Variants in ADAMTS12 observed in about 807,000 individuals in gnomAD.
ADAMTS12 encodes A disintegrin and metalloproteinase with thrombospondin motifs 12.
A neutral mutation model predicts 167.8 loss-of-function variants in ADAMTS12; 118 were observed. The ratio of observed to expected loss-of-function variants is 0.70; its 90% confidence interval spans 0.61 to 0.82. The LOEUF (loss-of-function observed/expected upper bound fraction) is 0.82, where lower values mean the gene tolerates loss of function less well. Among genes scored for constraint, ADAMTS12 ranks in the 40% least tolerant of loss-of-function variants. The pLI, the probability that ADAMTS12 is intolerant of heterozygous loss-of-function variation, is 0.00. For synonymous variants in ADAMTS12, 704 were observed against 716.9 expected (o/e 0.98, Z 0.29); for missense variants, 1,916 against 1,998.8 (o/e 0.96, Z 0.79).
At chr5:33,844,069 C>T (rs910561176) in intron 2 of ADAMTS12, among the ~76,000 whole-genome samples, 2 of 151,992 alleles carry the variant, frequency 1.3e-5, no homozygotes, top group Non-Finnish European at 2.9e-5. Flanking sequence ...ACACTTATCA[C>T]TTCCCCAATC....
chr5:33,550,663 G>C (rs1025748273), intron 20 of ADAMTS12, among the ~76,000 whole-genome samples: 1 of 152,104 alleles, frequency 6.6e-6, no homozygotes, highest in African/African-American at 2.4e-5. Context: ...CTGATCTAAA[G>C]GAGGTGATTT....
intron 19 of ADAMTS12, among the ~76,000 whole-genome samples, chr5:33,573,818 A>C (rs1056047358): frequency 7.9e-5 from 12 of 152,192 alleles, no homozygotes; most frequent in African/African-American, 2.7e-4. Flanking sequence ...CAACCTACAA[A>C]ATGGGAGAAA....
At chr5:33,591,871 G>A (rs1264044615) in intron 17 of ADAMTS12, among the ~76,000 whole-genome samples, 1 of 151,982 alleles carries the variant, frequency 6.6e-6, no homozygotes, top group Admixed American at 6.6e-5. Flanking sequence ...TAGAGTCCAG[G>A]GATACAGCTA....
chr5:33,849,342 C>CT (rs1561306597), intron 2 of ADAMTS12, among the ~76,000 whole-genome samples: 2 of 123,196 alleles, frequency 1.6e-5, no homozygotes, highest in Admixed American at 8.3e-5. Context: ...TATTGAATAG[C>CT]AATATATATA....
At chr5:33,858,997 C>A (rs1749508297) in intron 2 of ADAMTS12, among the ~76,000 whole-genome samples, 1 of 152,172 alleles carries the variant, frequency 6.6e-6, no homozygotes, top group Non-Finnish European at 1.5e-5. Context: ...ACACTTTTCC[C>A]ATGGTCTTCA....
intron 4 of ADAMTS12, among the ~76,000 whole-genome samples, chr5:33,683,592 A>G (rs1196058439): frequency 6.6e-6 from 1 of 152,196 alleles, no homozygotes; most frequent in East Asian, 1.9e-4. Context: ...AAGCCACACG[A>G]AAAGGATTGA....
chr5:33,666,568 C>T (rs1741476973), intron 5 of ADAMTS12, among the ~76,000 whole-genome samples: 1 of 152,134 alleles, frequency 6.6e-6, no homozygotes, highest in Admixed American at 6.5e-5. Context: ...ACTCAGCTCA[C>T]TGCAACCTCC....
intron 20 of ADAMTS12, among the ~76,000 whole-genome samples, chr5:33,559,965 T>G (rs557903158): frequency 1.7e-4 from 26 of 152,238 alleles, no homozygotes; most frequent in Non-Finnish European, 3.5e-4. Context: ...TCTCAGCTTT[T>G]GTTTCATTTT....
intron 12 of ADAMTS12, among the ~76,000 whole-genome samples, chr5:33,633,884 A>AT (rs1010146139): frequency 5.3e-5 from 8 of 151,828 alleles, no homozygotes; most frequent in Middle Eastern, 3.4e-3. Context: ...GGGTCATGTG[A>AT]TTTTTTTTCC....
chr5:33,528,874 G>A (rs529473711), intron 23 of ADAMTS12, among the ~76,000 whole-genome samples: 3 of 152,040 alleles, frequency 2.0e-5, no homozygotes, highest in South Asian at 2.1e-4. Flanking sequence ...GTGAAACCCC[G>A]TCTCTACTAA....
At chr5:33,562,345 T>C (rs978123298) in intron 19 of ADAMTS12, among the ~76,000 whole-genome samples, 1 of 152,184 alleles carries the variant, frequency 6.6e-6, no homozygotes, top group African/African-American at 2.4e-5. Context: ...TTCTTAAATA[T>C]CTCAGGTTTA....
intron 7 of ADAMTS12, among the ~76,000 whole-genome samples, chr5:33,652,687 C>G (rs1382994567): frequency 6.6e-6 from 1 of 151,992 alleles, no homozygotes; most frequent in Non-Finnish European, 1.5e-5. Flanking sequence ...AAGGTCTTAG[C>G]CATAAATTCT....
At chr5:33,793,963 T>G (rs1746675901) in intron 2 of ADAMTS12, among the ~76,000 whole-genome samples, 1 of 152,174 alleles carries the variant, frequency 6.6e-6, no homozygotes, top group Non-Finnish European at 1.5e-5. Context: ...TTTCAAATTG[T>G]TACAAAGTTC....
At chr5:33,829,845 A>AC (rs1195635521) in intron 2 of ADAMTS12, among the ~76,000 whole-genome samples, 1 of 152,146 alleles carries the variant, frequency 6.6e-6, no homozygotes. Context: ...CAAAGAATTC[A>AC]CCCGCTTCAT....
intron 2 of ADAMTS12, among the ~76,000 whole-genome samples, chr5:33,832,681 G>T (rs1748346214): frequency 6.6e-6 from 1 of 152,182 alleles, no homozygotes; most frequent in Non-Finnish European, 1.5e-5. Context: ...CCTTGATGCG[G>T]CTTGGTTTGG....
chr5:33,567,778 G>A (rs1368699159), intron 19 of ADAMTS12, among the ~76,000 whole-genome samples: 4 of 152,142 alleles, frequency 2.6e-5, no homozygotes, highest in Non-Finnish European at 5.9e-5. Flanking sequence ...TTTCTCATCT[G>A]TATACCCAAG....
In ADAMTS12 at chr5:33,718,023, A is replaced by C. The variant is rs181380198; in HGVS notation, c.634+33381T>G. 9.8e-5 allele frequency among the ~76,000 whole-genome samples: 15 copies of C among 152,326 alleles called. No homozygotes were observed. In the East Asian group the frequency reaches 2.9e-3, roughly 29 times the overall value. ...AAGTTTTACACAATCCTAACATTTTAAATTGCGCTTCTCACGTAGCAGGTT... is the reference window on the plus strand; with the variant it reads ...AAGTTTTACACAATCCTAACATTTTCAATTGCGCTTCTCACGTAGCAGGTT... On this transcript the variant is annotated intron_variant, in intron 3 of 23. Coordinates refer to ENST00000504830, the MANE Select transcript of ADAMTS12 (RefSeq NM_030955.4).
At chr5:33,603,579 C>T (rs10071294) in intron 16 of ADAMTS12, 84,470 of 151,938 alleles carry the variant, frequency 0.56, 23,585 homozygotes, top group Middle Eastern at 0.63. Context: ...GAAGAACAGA[C>T]ACTGGCTTGG....
rs570255578 is a variant in ADAMTS12, at chr5:33,752,678, T to C, written c.490-1130A>G. Among the ~76,000 whole-genome samples the C allele has an allele frequency of 2.0e-5, 3 of 152,328 alleles. No homozygotes were observed. In the East Asian group the frequency reaches 5.8e-4, roughly 29 times the overall value. Reference sequence around the variant, plus strand: ...AGTCAATACAGCAGTTCAGTAAATGTTAAGGTTGCAAAACTAAACTTGGAA... The same window carrying C: ...AGTCAATACAGCAGTTCAGTAAATGCTAAGGTTGCAAAACTAAACTTGGAA... On this transcript the variant is annotated intron_variant, in intron 2 of 23. Transcript: ENST00000504830.
Sources: allele counts gnomAD v4.1 joint callset (sites outside exome capture counted in the v4.1 genomes callset), GRCh38; gene constraint gnomAD v4.1.1; transcripts MANE v1.5; gene names NCBI Gene and HGNC (gene_info 2026-07-23, HGNC 2026-07-21).